The following GPR89B variants were observed in gnomAD, a reference collection of about 807,000 sequenced individuals.
GPR89B encodes G protein-coupled receptor 89B.
In GPR89B, 25 loss-of-function variants were observed where a neutral mutation model predicts 52.4. The ratio of observed to expected loss-of-function variants is 0.48; its 90% CI spans 0.35 to 0.67. The LOEUF is 0.67. Among genes scored for constraint, GPR89B ranks in the 30% least tolerant of loss-of-function variants. The pLI is 0.01. For missense variants in GPR89B, 146 were observed against 450.2 expected (o/e 0.32, Z 6.11); for synonymous variants, 52 against 151.2 (o/e 0.34, Z 4.81).
chr1:147,958,050 T>C (rs1656254158), intron 7 of GPR89B, among the ~76,000 whole-genome samples: 1 of 149,056 alleles, frequency 6.7e-6, no homozygotes, highest in Non-Finnish European at 1.5e-5. Context: ...GGTGATGGAG[T>C]GAGACTCCGT....
At chr1:147,987,170 CTT>C (rs1658726928) in intron 11 of GPR89B, among the ~76,000 whole-genome samples, 1 of 152,158 alleles carries the variant, frequency 6.6e-6, no homozygotes. Context: ...AGTGTATCCT[CTT>C]TGAGTGTGAA....
chr1:147,928,694 G>A, intron 1 of GPR89B, 116 bp downstream of exon 1: 2 of 1,431,892 alleles, frequency 1.4e-6, no homozygotes, highest in Admixed American at 1.7e-5. Context: ...CGCGGCCTGC[G>A]CCAGTCACTC....
intron 7 of GPR89B, among the ~76,000 whole-genome samples, chr1:147,954,650 C>G (rs1305939213): frequency 2.0e-5 from 3 of 151,966 alleles, no homozygotes; most frequent in Non-Finnish European, 4.4e-5. Context: ...AGACCCCACC[C>G]CTTTAAAATA....
chr1:147,986,419 A>G, intron 11 of GPR89B, 125 bp downstream of exon 11: 2 of 775,844 alleles, frequency 2.6e-6, no homozygotes, highest in East Asian at 2.7e-5. Context: ...CCCACTCTGT[A>G]TATTTTGACG....
chr1:148,021,066 G>A, the GPR89B span, among the ~76,000 whole-genome samples: 6 of 151,720 alleles, frequency 4.0e-5, no homozygotes, highest in Middle Eastern at 3.2e-3. Context: ...GCGTTTCTAC[G>A]TATTTGGCCC....
the GPR89B span, chr1:148,012,229 A>C: frequency 2.6e-5 from 4 of 151,228 alleles, no homozygotes; most frequent in Non-Finnish European, 5.9e-5. Flanking sequence ...ACTGTTATAC[A>C]TAATTCCTTG....
At position 147,930,961 on chromosome 1, in the gene GPR89B, C is replaced by T. The variant is rs183507219; in HGVS notation, c.42+2383C>T. 2.6e-4 allele frequency among the ~76,000 whole-genome samples: 40 copies of T among 152,246 alleles called. No individual in the cohort carries two copies. The East Asian group carries it at 7.1e-3, about 27-fold the overall frequency. On this transcript the variant is annotated intron_variant, in intron 1 of 13. Transcript: ENST00000314163. Reference sequence around the variant, plus strand: ...CAAGTTGAACACCCAAGAAGCTTCCCCTAGACTGGACTAGATGTCCCTATA... The same window carrying T: ...CAAGTTGAACACCCAAGAAGCTTCCTCTAGACTGGACTAGATGTCCCTATA...
intron 5 of GPR89B, among the ~76,000 whole-genome samples, chr1:147,944,928 C>G (rs1265694723): frequency 6.6e-6 from 1 of 152,084 alleles, no homozygotes; most frequent in Non-Finnish European, 1.5e-5. Flanking sequence ...ATTCACCATC[C>G]TGCCGTACCT....
At chr1:147,982,934 T>TCAC (rs1658382529) in intron 10 of GPR89B, among the ~76,000 whole-genome samples, 9 of 152,188 alleles carry the variant, frequency 5.9e-5, no homozygotes, top group Non-Finnish European at 1.3e-4. Context: ...CACTCATGAT[T>TCAC]TGTCTCTCTG....
At chr1:147,998,455 TAAAATATGG>T (rs1659366364), downstream of GPR89B, among the ~76,000 whole-genome samples, 1 of 150,602 alleles carries the variant, frequency 6.6e-6, no homozygotes, top group African/African-American at 2.4e-5. Flanking sequence ...CCTTTCTCTT[TAAAATATGG>T]AAAATTATCA....
chr1:147,956,482 T>C (rs1471855288), intron 7 of GPR89B, among the ~76,000 whole-genome samples: 6 of 152,142 alleles, frequency 3.9e-5, no homozygotes, highest in African/African-American at 1.4e-4. Context: ...TTGCTTTAGG[T>C]AGTATGGATG....
At chr1:147,931,585 C>CTT (rs55649899) in intron 1 of GPR89B, among the ~76,000 whole-genome samples, 1 of 137,942 alleles carries the variant, frequency 7.2e-6, no homozygotes, top group African/African-American at 2.7e-5. Context: ...TAGTTTAAGT[C>CTT]TTTTTTTTTT....
intron 9 of GPR89B, chr1:147,969,265 C>A: frequency 2.5e-6 from 1 of 407,082 alleles, no homozygotes; most frequent in Non-Finnish European, 4.4e-6. Context: ...ATGGTAGCTA[C>A]TTTTTATTCC....
At chr1:147,969,073 C>T (rs1226386339) in intron 9 of GPR89B, 110 bp downstream of exon 9, 1 of 770,424 alleles carries the variant, frequency 1.3e-6, no homozygotes, top group Non-Finnish European at 2.1e-6. Context: ...TACCTCACAG[C>T]TTCTATATCA....
At position 147,970,062 on chromosome 1, in the gene GPR89B, G is replaced by A. The variant is rs1402828907; in HGVS notation, c.909+103G>A. The A allele has an allele frequency of 9.6e-5, 78 of 812,398 alleles. No homozygotes were observed. In the Middle Eastern group the frequency reaches 1.2e-3, roughly 12 times the overall value. The allele number at this position is 812,398 out of a possible 1,614,324, so 50.3% of individuals were successfully genotyped here. A position where few individuals can be genotyped will look rare whatever the true frequency, so the allele number is the denominator to read the frequency against. On this transcript the variant is annotated intron_variant, in intron 10 of 13. Coordinates refer to ENST00000314163, the MANE Select transcript of GPR89B (RefSeq NM_016334.5). ...TGATATATTGAACTAAATTCCAAAT[G>A]TGATTGCATCAACAGAGAGCATGAT... is the stretch of plus-strand genomic sequence containing the variant.
chr1:147,989,802 G>A (rs1162959907), intron 12 of GPR89B, among the ~76,000 whole-genome samples: 2 of 152,138 alleles, frequency 1.3e-5, no homozygotes, highest in Non-Finnish European at 2.9e-5. Context: ...TGGTGTATAT[G>A]TGCCACATTT....
chr1:147,934,093 G>A (rs1553247489), intron 1 of GPR89B, among the ~76,000 whole-genome samples: 1 of 150,602 alleles, frequency 6.6e-6, no homozygotes, highest in Non-Finnish European at 1.5e-5. Flanking sequence ...TTCACTCTGC[G>A]CCTTTACTCA....
the GPR89B span, among the ~76,000 whole-genome samples, chr1:148,016,871 G>C: frequency 2.0e-5 from 3 of 150,462 alleles, no homozygotes; most frequent in Non-Finnish European, 2.9e-5. Context: ...TCTTTTGTCT[G>C]TGAGTTTCAT....
chr1:147,997,389 G>T (rs1659341571), downstream of GPR89B, among the ~76,000 whole-genome samples: 1 of 152,198 alleles, frequency 6.6e-6, no homozygotes, highest in African/African-American at 2.4e-5. Flanking sequence ...GTCTGCTAGA[G>T]CTGGGATACA....
Sources: allele counts gnomAD v4.1 joint callset (sites outside exome capture counted in the v4.1 genomes callset), GRCh38; gene constraint gnomAD v4.1.1; transcripts MANE v1.5; gene names NCBI Gene and HGNC (gene_info 2026-07-23, HGNC 2026-07-21).